EVL: variants seen among roughly 807,000 people sequenced by gnomAD.
The protein encoded by EVL is ena/VASP-like protein.
EVL carries 21 observed loss-of-function variants against 59.6 expected under a neutral mutation model. That is an observed-to-expected ratio of 0.35 (90% CI 0.25 to 0.51). The LOEUF is 0.51. EVL is among the 20% of genes least tolerant of loss of function. The pLI is 0.97. For missense variants in EVL, 462 were observed against 546.6 expected (o/e 0.85, Z 1.54); for synonymous variants, 198 against 203.5 (o/e 0.97, Z 0.23).
chr14:99,996,835 G>C (rs1487977638), intron 1 of EVL, among the ~76,000 whole-genome samples: 1 of 152,124 alleles, frequency 6.6e-6, no homozygotes, highest in Non-Finnish European at 1.5e-5. Context: ...TATTTTTTTA[G>C]AGATGGGATC....
intron 1 of EVL, among the ~76,000 whole-genome samples, chr14:100,020,782 C>T (rs1272586860): frequency 6.6e-6 from 1 of 152,214 alleles, no homozygotes; most frequent in Non-Finnish European, 1.5e-5. Context: ...TAAAGGTCGT[C>T]CCCTGCCCTT....
At chr14:100,126,585 C>T (rs973325014) in intron 4 of EVL, 122 bp from the exon 5 acceptor site, 21 of 974,640 alleles carry the variant, frequency 2.2e-5, no homozygotes, top group Admixed American at 3.9e-5. Context: ...CACACAGTGG[C>T]GCTTGTGGAG....
intron 9 of EVL, 150 bp downstream of exon 9, chr14:100,136,118 C>A (rs76675455): frequency 4.3e-4 from 97 of 224,184 alleles, no homozygotes; most frequent in Admixed American, 8.7e-4. Context: ...ATGGGTCCCC[C>A]AGAGCCTCCC....
At chr14:100,049,245 A>T (rs1174429495) in intron 1 of EVL, among the ~76,000 whole-genome samples, 3 of 152,214 alleles carry the variant, frequency 2.0e-5, no homozygotes, top group Admixed American at 2.0e-4. Context: ...CATTGATAGG[A>T]AGCAGAAGGT....
chr14:100,037,811 G>T (rs1440233613), intron 1 of EVL, among the ~76,000 whole-genome samples: 1 of 152,118 alleles, frequency 6.6e-6, no homozygotes, highest in African/African-American at 2.4e-5. Flanking sequence ...CTATGTCCCA[G>T]GCAATATATA....
chr14:100,088,643 A>G (rs1189813696), intron 2 of EVL, among the ~76,000 whole-genome samples: 1 of 152,224 alleles, frequency 6.6e-6, no homozygotes, highest in Admixed American at 6.5e-5. Context: ...CTATAGTCTT[A>G]TGGGACCACC....
chr14:100,040,333 C>T (rs1350095055), intron 1 of EVL, among the ~76,000 whole-genome samples: 2 of 152,208 alleles, frequency 1.3e-5, no homozygotes, highest in Admixed American at 6.5e-5. Flanking sequence ...CTTCCCCTCG[C>T]CCTGTATCCT....
chr14:100,102,365 GCCTAA>G (rs1418636874), intron 3 of EVL: 2 of 456,062 alleles, frequency 4.4e-6, no homozygotes, highest in Admixed American at 4.7e-5. Context: ...AATGGAGGCA[GCCTAA>G]CGTCATGTGG....
At chr14:100,135,317 G>A (rs897017155) in intron 8 of EVL, 2 of 152,378 alleles carry the variant, frequency 1.3e-5, no homozygotes, top group African/African-American at 4.8e-5. Context: ...ACATCAGGTT[G>A]GGTGGCCGCC....
At chr14:99,997,071 C>G (rs1038655064) in intron 1 of EVL, among the ~76,000 whole-genome samples, 5 of 152,198 alleles carry the variant, frequency 3.3e-5, no homozygotes, top group Admixed American at 3.3e-4. Context: ...CTGGACTGCT[C>G]AAAATGTCAT....
chr14:100,064,046 G>T (rs1416112241), upstream of EVL, among the ~76,000 whole-genome samples: 1 of 152,110 alleles, frequency 6.6e-6, no homozygotes, highest in East Asian at 1.9e-4. Flanking sequence ...AAAGAAAAAA[G>T]AAAACTGCAA....
At chr14:100,093,672 C>T (rs1333528373) in intron 2 of EVL, among the ~76,000 whole-genome samples, 1 of 152,208 alleles carries the variant, frequency 6.6e-6, no homozygotes, top group East Asian at 1.9e-4. Context: ...CTTCACTGCA[C>T]TCTCTCAGTC....
At chr14:100,097,332 G>T (rs941895) in intron 2 of EVL, 149 bp from the exon 3 acceptor site, 1 of 663,434 alleles carries the variant, frequency 1.5e-6, no homozygotes, top group Non-Finnish European at 2.5e-6. Flanking sequence ...TGGTCTGAAA[G>T]TCTACCTGAT....
intron 5 of EVL, 81 bp from the exon 6 acceptor site, chr14:100,128,438 C>A: frequency 6.9e-7 from 1 of 1,450,562 alleles, no homozygotes; most frequent in Non-Finnish European, 9.7e-7. Context: ...TGTCCTTCCT[C>A]CGGGGAACCT....
At chr14:100,061,217 C>G (rs976356970), upstream of EVL, among the ~76,000 whole-genome samples, 2 of 151,362 alleles carry the variant, frequency 1.3e-5, no homozygotes, top group African/African-American at 4.9e-5. Context: ...ATGTTGAAAC[C>G]CTTCTCTACA....
intron 1 of EVL, among the ~76,000 whole-genome samples, chr14:100,008,450 A>G (rs2060997271): frequency 6.6e-6 from 1 of 152,182 alleles, no homozygotes; most frequent in South Asian, 2.1e-4. Context: ...GTCACTTACC[A>G]TATTAATGAA....
chr14:100,133,304 A>T (rs1888556110), intron 8 of EVL, among the ~76,000 whole-genome samples: 1 of 152,162 alleles, frequency 6.6e-6, no homozygotes, highest in Non-Finnish European at 1.5e-5. Flanking sequence ...AGCTCCCAAC[A>T]TCTGCTTCCA....
intron 9 of EVL, among the ~76,000 whole-genome samples, chr14:100,136,755 G>A (rs1888819439): frequency 6.6e-6 from 1 of 152,176 alleles, no homozygotes; most frequent in Admixed American, 6.5e-5. Flanking sequence ...TTGCCAGGAT[G>A]CATAGGTTCC....
At chr14:100,069,113 C>T (rs1190966) in intron 1 of EVL, among the ~76,000 whole-genome samples, 92,772 of 152,096 alleles carry the variant, frequency 0.61, 31,552 homozygotes, top group Non-Finnish European at 0.75. Flanking sequence ...GTGGTGTATC[C>T]CCAGTGCCTA....
Sources: allele counts gnomAD v4.1 joint callset (sites outside exome capture counted in the v4.1 genomes callset), GRCh38; gene constraint gnomAD v4.1.1; transcripts MANE v1.5; gene names NCBI Gene and HGNC (gene_info 2026-07-23, HGNC 2026-07-21).